The following HCRTR2 variants were observed in gnomAD, a reference collection of about 807,000 sequenced individuals.
HCRTR2 encodes the protein hypocretin receptor 2, also known as orexin receptor type 2.
In HCRTR2, 22 loss-of-function variants were observed where a neutral mutation model predicts 49.0. The ratio of observed to expected loss-of-function variants is 0.45; its 90% CI spans 0.32 to 0.64. The LOEUF is 0.64. Ranked by LOEUF, HCRTR2 falls within the 30% of genes least tolerant of loss-of-function variation. HCRTR2 has a pLI of 0.04. For synonymous variants in HCRTR2, 236 were observed against 205.3 expected (o/e 1.15, Z -1.28); for missense variants, 491 against 559.4 (o/e 0.88, Z 1.23).
chr6:55,137,387 C>T (rs1301153328), intron 1 of HCRTR2, among the ~76,000 whole-genome samples: 1 of 152,084 alleles, frequency 6.6e-6, no homozygotes, highest in Admixed American at 6.5e-5. Context: ...AGGGACTGGT[C>T]TTTTAGGTGC....
chr6:55,156,073 G>A (rs977848605), intron 1 of HCRTR2, among the ~76,000 whole-genome samples: 1 of 151,764 alleles, frequency 6.6e-6, no homozygotes, highest in African/African-American at 2.4e-5. Context: ...TATATATTAA[G>A]TGCTTAGGTT....
At chr6:55,192,462 G>A (rs545810522) in intron 1 of HCRTR2, among the ~76,000 whole-genome samples, 1 of 151,278 alleles carries the variant, frequency 6.6e-6, no homozygotes, top group African/African-American at 2.4e-5. Flanking sequence ...ATGATTACAC[G>A]CCTGTGGTCC....
chr6:55,240,168 T>C (rs1456417306), intron 1 of HCRTR2, among the ~76,000 whole-genome samples: 1 of 151,508 alleles, frequency 6.6e-6, no homozygotes, highest in East Asian at 2.0e-4. Flanking sequence ...CCATCCTGGC[T>C]AACACCGTGA....
chr6:55,262,902 T>C (rs1205254952), intron 3 of HCRTR2, among the ~76,000 whole-genome samples: 1 of 151,026 alleles, frequency 6.6e-6, no homozygotes, highest in Non-Finnish European at 1.5e-5. Context: ...ATCTGTGATG[T>C]GTATCATTTG....
intron 1 of HCRTR2, among the ~76,000 whole-genome samples, chr6:55,118,298 C>T (rs1429939140): frequency 1.3e-5 from 2 of 151,898 alleles, no homozygotes; most frequent in African/African-American, 4.8e-5. Context: ...TCCAGTCTAT[C>T]ATTGATGGAC....
chr6:55,163,169 G>A lies in HCRTR2; in HGVS notation c.-377-11042G>A, dbSNP rs145834104. Among the ~76,000 whole-genome samples the A allele has an allele frequency of 2.8e-4, 42 of 152,016 alleles. No individual in the cohort carries two copies. The East Asian group carries it at 6.2e-3, about 22-fold the overall frequency. ...GGAGAATGGCGTGAACCCAGGAGAC[G>A]GAGCTTGCAATGAGCCAAGATCCTG... On this transcript the variant is annotated intron_variant, in intron 1 of 7. Coordinates refer to the HCRTR2 transcript ENST00000615358.
intron 1 of HCRTR2, among the ~76,000 whole-genome samples, chr6:55,205,968 A>T (rs562310485): frequency 6.6e-6 from 1 of 152,174 alleles, no homozygotes; most frequent in Non-Finnish European, 1.5e-5. Context: ...TACATCTACT[A>T]TGTACCCACA....
chr6:55,194,331 A>G (rs1027267953), intron 1 of HCRTR2, among the ~76,000 whole-genome samples: 2 of 152,142 alleles, frequency 1.3e-5, no homozygotes, highest in African/African-American at 4.8e-5. Flanking sequence ...ACTTCCCTTT[A>G]AAAGATAATA....
intron 1 of HCRTR2, among the ~76,000 whole-genome samples, chr6:55,192,413 G>GTGCACACACA (rs1554171108): frequency 4.7e-5 from 6 of 128,450 alleles, no homozygotes; most frequent in African/African-American, 1.7e-4. Flanking sequence ...GCGCGCGCGC[G>GTGCACACACA]CACACACACA....
chr6:55,259,682 T>C (rs1364425425), intron 3 of HCRTR2, among the ~76,000 whole-genome samples: 4 of 151,800 alleles, frequency 2.6e-5, no homozygotes, highest in African/African-American at 9.7e-5. Flanking sequence ...AAAATTTATT[T>C]AGATTGTGCT....
intron 1 of HCRTR2, among the ~76,000 whole-genome samples, chr6:55,204,891 T>C (rs1765574687): frequency 6.6e-6 from 1 of 151,550 alleles, no homozygotes; most frequent in Admixed American, 6.6e-5. Context: ...GCTGAAGTAA[T>C]TCTTCTACTT....
rs891442537 is a variant in HCRTR2 at position 55,117,804 on chromosome 6, A to G, written c.-378+11259A>G. ...GTCTCAAAAAAAAAAAAAAAAAAAA[A>G]GGGAACTGGAAAACTTATCCTCTTG... is the stretch of plus-strand genomic sequence containing the variant. On this transcript the variant is annotated intron_variant, in intron 1 of 7. Coordinates refer to the HCRTR2 transcript ENST00000615358. Among the ~76,000 whole-genome samples the G allele has an allele frequency of 7.2e-4, 107 of 149,266 alleles. 1 individual carries two copies. Among genetic ancestry groups the G allele is most frequent in the Non-Finnish European group, 1.4e-3 (94 of 67,132 alleles).
At chr6:55,205,142 C>A (rs538648600) in intron 1 of HCRTR2, among the ~76,000 whole-genome samples, 9 of 152,200 alleles carry the variant, frequency 5.9e-5, no homozygotes, top group Admixed American at 4.6e-4. Context: ...AAGAAGTCAA[C>A]TAGAATATAT....
intron 1 of HCRTR2, among the ~76,000 whole-genome samples, chr6:55,241,914 G>A (rs1766341881): frequency 7.2e-6 from 1 of 138,674 alleles, no homozygotes; most frequent in African/African-American, 2.7e-5. Context: ...TGTCGCCCAG[G>A]CTGGAGTGCA....
At position 55,224,617 on chromosome 6, in the gene HCRTR2, C is replaced by T. The variant is rs564343526; in HGVS notation, c.224-24022C>T. ...CAGCCTGGGCTACAGAACGAGACTC[C>T]GTCTCAGTTAAAAAAAAAAAAAGGA... On this transcript the variant is annotated intron_variant, in intron 1 of 6. Coordinates refer to ENST00000370862, the MANE Select transcript of HCRTR2 (RefSeq NM_001384272.1). Among the ~76,000 whole-genome samples the T allele has an allele frequency of 5.1e-4, 72 of 140,022 alleles. 2 individuals are homozygous for T. In the South Asian group the frequency reaches 0.012, roughly 24 times the overall value. The allele number at this position is 140,022 out of a possible 152,430, so 91.9% of individuals were successfully genotyped here.
At chr6:55,244,903 A>G (rs1030360319) in intron 1 of HCRTR2, among the ~76,000 whole-genome samples, 2 of 152,182 alleles carry the variant, frequency 1.3e-5, no homozygotes, top group Middle Eastern at 3.4e-3. Context: ...TCCCAGCACC[A>G]TTTATTGAGT....
At chr6:55,154,128 A>G (rs1764699661) in intron 1 of HCRTR2, among the ~76,000 whole-genome samples, 1 of 151,896 alleles carries the variant, frequency 6.6e-6, no homozygotes, top group Admixed American at 6.6e-5. Flanking sequence ...GACTGAGTAA[A>G]TAATCAAAAA....
intron 1 of HCRTR2, among the ~76,000 whole-genome samples, chr6:55,140,316 T>G (rs898095585): frequency 2.6e-5 from 4 of 151,830 alleles, no homozygotes; most frequent in African/African-American, 9.7e-5. Flanking sequence ...AGACAAGGAG[T>G]TCTAGTCTGT....
chr6:55,284,051 A>T (rs1003008759), downstream of HCRTR2, among the ~76,000 whole-genome samples: 1 of 152,140 alleles, frequency 6.6e-6, no homozygotes, highest in East Asian at 1.9e-4. Flanking sequence ...TTTATGCTGC[A>T]TGAAAGGAGA....
Sources: allele counts gnomAD v4.1 joint callset (sites outside exome capture counted in the v4.1 genomes callset), GRCh38; gene constraint gnomAD v4.1.1; transcripts MANE v1.5; gene names NCBI Gene and HGNC (gene_info 2026-07-23, HGNC 2026-07-21).